Variants in ZBTB44 observed in about 807,000 individuals in gnomAD.
The protein encoded by ZBTB44 is zinc finger and BTB domain containing 44, also known as zinc finger and BTB domain-containing protein 44.
In ZBTB44, 15 loss-of-function variants were observed where a neutral mutation model predicts 54.0. The ratio of observed to expected loss-of-function variants is 0.28; its 90% CI spans 0.19 to 0.43. The LOEUF (loss-of-function observed/expected upper bound fraction) is 0.43, where lower values mean the gene tolerates loss of function less well. Among genes scored for constraint, ZBTB44 ranks in the 20% least tolerant of loss-of-function variants. The pLI, the probability that ZBTB44 is intolerant of heterozygous loss-of-function variation, is 1.00. For missense variants in ZBTB44, 487 were observed against 707.1 expected, an observed-to-expected ratio of 0.69 and a Z score of 3.53; for synonymous variants, 230 against 250.1, an observed-to-expected ratio of 0.92 and a Z score of 0.76.
In ZBTB44 at chr11:130,288,411, A is replaced by T. The variant is rs554841609; in HGVS notation, c.-57+25964T>A. Among the ~76,000 whole-genome samples the T allele has an allele frequency of 2.0e-5, 3 of 152,100 alleles. No individual in the cohort carries two copies. The South Asian group carries it at 6.2e-4, about 31-fold the overall frequency. ...AATAAATAAATAAAATAAAATAAAA[A>T]AATAACATTTCAAGTAGGTAGCCTC... On this transcript the variant is annotated intron_variant, in intron 1 of 7. Transcript: ENST00000357899.
intron 1 of ZBTB44, among the ~76,000 whole-genome samples, chr11:130,278,634 C>T (rs1940278618): frequency 6.6e-6 from 1 of 152,132 alleles, no homozygotes; most frequent in Non-Finnish European, 1.5e-5. Context: ...ATTATCTTAT[C>T]TCTGTTCCTC....
intron 4 of ZBTB44, 41 bp downstream of exon 4, chr11:130,238,403 T>TA (rs1364601357): frequency 2.6e-6 from 4 of 1,540,548 alleles, no homozygotes; most frequent in Admixed American, 2.1e-5. Flanking sequence ...TAAAATGTTT[T>TA]AGAGCGTTCA....
intron 1 of ZBTB44, among the ~76,000 whole-genome samples, chr11:130,276,809 T>C (rs1940136555): frequency 6.6e-6 from 1 of 152,222 alleles, no homozygotes; most frequent in Non-Finnish European, 1.5e-5. Flanking sequence ...TTTCTGTTTT[T>C]GCTTCATGTA....
At position 130,261,285 on chromosome 11, in the gene ZBTB44, T is replaced by C. The variant is rs1282415828; in HGVS notation, c.589A>G (p.Lys197Glu). 5 of 1,613,730 alleles carry C rather than the reference T, an allele frequency of 3.1e-6. No individual in the cohort carries two copies. Among genetic ancestry groups the C allele is most frequent in the Non-Finnish European group, 4.2e-6 (5 of 1,179,884 alleles). The change falls in exon 2 of 8, where the codon AAG becomes GAG. Residue 197 changes from lysine to glutamate, a missense_variant. By Grantham distance (56) the Lys-to-Glu change is moderately conservative (BLOSUM62 1). Coordinates refer to ENST00000357899, the MANE Select transcript of ZBTB44 (RefSeq NM_001301098.2). The surrounding 1 kb of genome is among the most constrained non-coding windows in gnomAD (Gnocchi z 4.8). ...GGTGAGCTTGTTTGTGTGCCACACT[T>C]TACAGGACTTTCAGGAGACATAACA... ...YIVMSPESPV[K>E]CGTQTSSPQV...
chr11:130,293,060 C>CT (rs1941400401), intron 1 of ZBTB44, among the ~76,000 whole-genome samples: 1 of 152,148 alleles, frequency 6.6e-6, no homozygotes, highest in Admixed American at 6.5e-5. Context: ...TTTCTGAACA[C>CT]TACTGAAAGT....
chr11:130,229,516 G>A lies in ZBTB44; in HGVS notation c.*2248C>T, dbSNP rs548473971. 2.0e-5 allele frequency: 3 copies of A among 152,216 alleles called. No individual in the cohort carries two copies. Among genetic ancestry groups the A allele is most frequent in the South Asian group, 4.1e-4 (2 of 4,824 alleles). The allele number at this position is 152,216 out of a possible 1,614,324, so 9.4% of individuals were successfully genotyped here. On this transcript the variant is annotated 3_prime_UTR_variant, in exon 8 of 8. Transcript: ENST00000357899. ...AGGACTTTCCAAATAAAAATACTCTGTCACCATACTGTCAAGCAAAAACGA... is the reference window on the plus strand; with the variant it reads ...AGGACTTTCCAAATAAAAATACTCTATCACCATACTGTCAAGCAAAAACGA...
In ZBTB44 at chr11:130,261,994, T is replaced by C; in HGVS notation, c.-56-65A>G. 1 of 1,188,984 alleles carries C rather than the reference T, an allele frequency of 8.4e-7. No individual in the cohort carries two copies. Among genetic ancestry groups the C allele is most frequent in the Non-Finnish European group, 1.1e-6 (1 of 877,764 alleles). 73.7% of individuals were successfully genotyped at this position (1,188,984 alleles called of 1,614,324 possible). On this transcript the variant is annotated intron_variant, in intron 1 of 7. Coordinates refer to ENST00000357899, the MANE Select transcript of ZBTB44 (RefSeq NM_001301098.2). The surrounding 1 kb of genome is among the most constrained non-coding windows in gnomAD (Gnocchi z 4.8). ...GTGGTTTAAAATGTGATTTAGATCA[T>C]TTTCATGTGGCCACTGTACTAAATT...
At chr11:130,282,304 T>C (rs1940591628) in intron 1 of ZBTB44, among the ~76,000 whole-genome samples, 1 of 152,214 alleles carries the variant, frequency 6.6e-6, no homozygotes, top group African/African-American at 2.4e-5. Context: ...TAGCTCCCCA[T>C]TCTTCCCATC....
rs185064436 is a variant in ZBTB44 at position 130,300,499 on chromosome 11, A to T, written c.-57+13876T>A. Among the ~76,000 whole-genome samples, 10 of 152,364 alleles carry T rather than the reference A, an allele frequency of 6.6e-5. No individual in the cohort carries two copies. In the East Asian group the frequency reaches 1.9e-3, roughly 29 times the overall value. On this transcript the variant is annotated intron_variant, in intron 1 of 7. Transcript: ENST00000357899. ...ACTTGGTTCTCTGAAAAAAATAAGC[A>T]AAATTGATAAACCTTTAGCTAGACC...
chr11:130,252,786 C>T (rs548981506), intron 2 of ZBTB44, among the ~76,000 whole-genome samples: 15 of 152,316 alleles, frequency 9.8e-5, no homozygotes, highest in Admixed American at 6.5e-4. Flanking sequence ...ACCAATATCA[C>T]TGATGAACAT....
intron 1 of ZBTB44, among the ~76,000 whole-genome samples, chr11:130,272,126 G>A (rs933485581): frequency 1.4e-4 from 21 of 152,026 alleles, no homozygotes; most frequent in Non-Finnish European, 1.3e-4. Context: ...CAGCTGCTCG[G>A]GAGGCTGAGG....
chr11:130,256,323 A>G (rs1334511954), intron 2 of ZBTB44, among the ~76,000 whole-genome samples: 1 of 152,202 alleles, frequency 6.6e-6, no homozygotes, highest in African/African-American at 2.4e-5. Context: ...CATCACGTAA[A>G]ACAGAACCAA....
intron 2 of ZBTB44, among the ~76,000 whole-genome samples, chr11:130,258,529 T>C (rs1938610370): frequency 6.6e-6 from 1 of 152,218 alleles, no homozygotes; most frequent in South Asian, 2.1e-4. Flanking sequence ...ACCACTAAGA[T>C]AAAATCCAAG....
rs575508215 is a variant in ZBTB44, at chr11:130,243,234, AT to A, written c.1019-3339del. Among the ~76,000 whole-genome samples, 317 of 149,944 alleles carry A rather than the reference AT, an allele frequency of 2.1e-3. 5 individuals carry two copies. The South Asian group carries it at 0.035, about 17-fold the overall frequency. On this transcript the variant is annotated intron_variant, in intron 2 of 7. Coordinates refer to ENST00000357899, the MANE Select transcript of ZBTB44 (RefSeq NM_001301098.2). ...TATTTCTGCTGCATTTAAAAAACAC[AT>A]TTTTTTTTTCCTGTTGGTTCTCTCT...
At chr11:130,292,772 G>A (rs986064680) in intron 1 of ZBTB44, among the ~76,000 whole-genome samples, 1 of 152,150 alleles carries the variant, frequency 6.6e-6, no homozygotes, top group South Asian at 2.1e-4. Flanking sequence ...ACAGCTCAAC[G>A]TAGAAACTTC....
At chr11:130,238,975 A>C (rs1033159345) in intron 3 of ZBTB44, 1 of 159,976 alleles carries the variant, frequency 6.3e-6, no homozygotes, top group Non-Finnish European at 1.4e-5. Flanking sequence ...TGCTACATGG[A>C]AAATGGATTA....
At chr11:130,251,202 A>C (rs1212429836) in intron 2 of ZBTB44, among the ~76,000 whole-genome samples, 1 of 152,228 alleles carries the variant, frequency 6.6e-6, no homozygotes, top group African/African-American at 2.4e-5. Context: ...ACAGAGAATG[A>C]AGATCAACTT....
At chr11:130,305,614 G>T (rs1201737292) in intron 1 of ZBTB44, among the ~76,000 whole-genome samples, 3 of 152,042 alleles carry the variant, frequency 2.0e-5, no homozygotes, top group Non-Finnish European at 4.4e-5. Context: ...ACACAAGGTG[G>T]ATCAAAGACT....
intron 1 of ZBTB44, among the ~76,000 whole-genome samples, chr11:130,307,912 G>C (rs1186173707): frequency 6.6e-6 from 1 of 152,156 alleles, no homozygotes; most frequent in African/African-American, 2.4e-5. Flanking sequence ...TTTTAGTAGA[G>C]ACAGGGTTTC....
Sources: allele counts gnomAD v4.1 joint callset (sites outside exome capture counted in the v4.1 genomes callset), GRCh38; gene constraint gnomAD v4.1.1; non-coding constraint Gnocchi (gnomAD v3.1); transcripts MANE v1.5; gene names NCBI Gene and HGNC (gene_info 2026-07-23, HGNC 2026-07-21).